RBFOX1: variants seen among roughly 807,000 people sequenced by gnomAD.
RBFOX1 encodes the protein RNA binding fox-1 homolog 1, also known as RNA binding protein fox-1 homolog 1.
In RBFOX1, 8 loss-of-function variants were observed where a neutral mutation model predicts 57.7. That is an observed-to-expected ratio of 0.14 (90% confidence interval 0.08 to 0.25). The LOEUF (loss-of-function observed/expected upper bound fraction) is 0.25. RBFOX1 is among the 10% of genes least tolerant of loss of function. The pLI, the probability that RBFOX1 is intolerant of heterozygous loss-of-function variation, is 1.00. For missense variants in RBFOX1, 611 were observed against 548.5 expected, an observed-to-expected ratio of 1.11 and a Z score of -1.14; for synonymous variants, 326 against 222.4, an observed-to-expected ratio of 1.47 and a Z score of -4.15.
intron 3 of RBFOX1, among the ~76,000 whole-genome samples, chr16:6,695,028 T>C (rs1470417054): frequency 6.6e-6 from 1 of 152,098 alleles, no homozygotes; most frequent in African/African-American, 2.4e-5. Flanking sequence ...CATTTCATAT[T>C]AAATCAGCCA....
At chr16:5,489,357 T>C (rs2042750537) in intron 2 of RBFOX1, among the ~76,000 whole-genome samples, 1 of 152,250 alleles carries the variant, frequency 6.6e-6, no homozygotes, top group Non-Finnish European at 1.5e-5. Flanking sequence ...ACATCCTTAA[T>C]GTCCAGGGCT....
At chr16:5,556,498 A>G (rs538893071) in intron 2 of RBFOX1, among the ~76,000 whole-genome samples, 22 of 152,342 alleles carry the variant, frequency 1.4e-4, no homozygotes, top group South Asian at 1.2e-3. Context: ...CTTTTTCTAA[A>G]ACTTAAAGAA....
At position 6,198,136 on chromosome 16, in the gene RBFOX1, G is replaced by A. The variant is rs570187117; in HGVS notation, c.-126-118859G>A. Among the ~76,000 whole-genome samples the A allele has an allele frequency of 7.9e-5, 12 of 152,248 alleles. 1 individual carries two copies. The South Asian group carries it at 2.1e-3, about 26-fold the overall frequency. ...TTCAGACTTTTGGGGGAAGGATGAG[G>A]GGGGTGACAGGTGAGTTCTCATCAT... On this transcript the variant is annotated intron_variant, in intron 1 of 15. Coordinates refer to ENST00000550418, the MANE Select transcript of RBFOX1 (RefSeq NM_018723.4).
intron 4 of RBFOX1, among the ~76,000 whole-genome samples, chr16:5,925,230 C>A (rs980672182): frequency 1.3e-5 from 2 of 152,152 alleles, no homozygotes; most frequent in Non-Finnish European, 2.9e-5. Context: ...CTGTACCATT[C>A]ACAAGAGCCA....
intron 4 of RBFOX1, among the ~76,000 whole-genome samples, chr16:7,318,552 T>C (rs149669191): frequency 1.3e-5 from 2 of 152,340 alleles, no homozygotes; most frequent in Non-Finnish European, 1.5e-5. Flanking sequence ...GGGATGGTGA[T>C]ATTCATTGTC....
intron 4 of RBFOX1, among the ~76,000 whole-genome samples, chr16:7,353,964 A>ATATTT (rs1174115804): frequency 2.0e-5 from 3 of 152,180 alleles, no homozygotes; most frequent in South Asian, 2.1e-4. Context: ...ACAGAATTGT[A>ATATTT]TATTTTATTT....
At chr16:5,299,204 C>CTT (rs112569149) in intron 1 of RBFOX1, among the ~76,000 whole-genome samples, 1 of 146,608 alleles carries the variant, frequency 6.8e-6, no homozygotes, top group South Asian at 2.2e-4. Context: ...TTATGCCTGG[C>CTT]TTTTTTTTTT....
intron 3 of RBFOX1, among the ~76,000 whole-genome samples, chr16:6,740,939 G>T (rs1038534671): frequency 2.0e-5 from 3 of 152,118 alleles, no homozygotes; most frequent in Non-Finnish European, 4.4e-5. Flanking sequence ...TAAGAATCAG[G>T]TGGGACAAAC....
At chr16:6,159,344 T>C (rs2096861005) in intron 1 of RBFOX1, among the ~76,000 whole-genome samples, 1 of 152,224 alleles carries the variant, frequency 6.6e-6, no homozygotes, top group African/African-American at 2.4e-5. Context: ...CCCAAAGTGC[T>C]GGGATTACAG....
chr16:7,627,389 G>T (rs915300254), intron 10 of RBFOX1, among the ~76,000 whole-genome samples: 1 of 152,130 alleles, frequency 6.6e-6, no homozygotes, highest in African/African-American at 2.4e-5. Context: ...TAAAGAATGG[G>T]TAGGTAGTGG....
At chr16:7,452,782 C>T (rs982452497) in intron 4 of RBFOX1, among the ~76,000 whole-genome samples, 6 of 152,084 alleles carry the variant, frequency 3.9e-5, no homozygotes, top group Admixed American at 3.9e-4. Context: ...TACTTAGAGT[C>T]TGGTGAAAGA....
At chr16:5,529,691 C>G (rs780286957) in intron 2 of RBFOX1, among the ~76,000 whole-genome samples, 1 of 151,972 alleles carries the variant, frequency 6.6e-6, no homozygotes, top group African/African-American at 2.4e-5. Flanking sequence ...CTCACCATCC[C>G]GATTAGCTGG....
At chr16:6,891,671 T>A (rs1393760496) in intron 3 of RBFOX1, among the ~76,000 whole-genome samples, 1 of 152,238 alleles carries the variant, frequency 6.6e-6, no homozygotes. Flanking sequence ...AAATTGTTAA[T>A]GTAATGTTTT....
chr16:6,896,002 A>T (rs534159343), intron 3 of RBFOX1, among the ~76,000 whole-genome samples: 1 of 152,140 alleles, frequency 6.6e-6, no homozygotes, highest in African/African-American at 2.4e-5. Flanking sequence ...AAATAATCAA[A>T]TCATGAAGAA....
chr16:6,169,054 A>G (rs552475808), intron 1 of RBFOX1, among the ~76,000 whole-genome samples: 2 of 152,268 alleles, frequency 1.3e-5, no homozygotes, highest in African/African-American at 2.4e-5. Flanking sequence ...CATATAAACC[A>G]TGTTTATCAC....
chr16:5,604,517 G>A (rs2047493560), downstream of RBFOX1, among the ~76,000 whole-genome samples: 1 of 152,198 alleles, frequency 6.6e-6, no homozygotes. Flanking sequence ...GTGACAGTGT[G>A]CTTTTCCCGG....
At chr16:6,573,364 C>A (rs1419050199) in intron 2 of RBFOX1, among the ~76,000 whole-genome samples, 2 of 152,184 alleles carry the variant, frequency 1.3e-5, no homozygotes, top group African/African-American at 2.4e-5. Flanking sequence ...GTCTTTCTCT[C>A]AGCTCTAAGA....
chr16:7,131,998 C>CTTTTTTTTTTTT (rs34879688), intron 4 of RBFOX1, among the ~76,000 whole-genome samples: 1 of 123,842 alleles, frequency 8.1e-6, no homozygotes, highest in African/African-American at 3.0e-5. Flanking sequence ...TTTTTTCTTT[C>CTTTTTTTTTTTT]TTTTTTTTTT....
chr16:5,970,578 G>C (rs2059942415), intron 4 of RBFOX1, among the ~76,000 whole-genome samples: 1 of 152,150 alleles, frequency 6.6e-6, no homozygotes, highest in Non-Finnish European at 1.5e-5. Context: ...TCTTGACCCT[G>C]AGTAATTTTA....
Sources: allele counts gnomAD v4.1 joint callset (sites outside exome capture counted in the v4.1 genomes callset), GRCh38; gene constraint gnomAD v4.1.1; transcripts MANE v1.5; gene names NCBI Gene and HGNC (gene_info 2026-07-23, HGNC 2026-07-21).